ST6GAL1: variants seen among roughly 807,000 people sequenced by gnomAD.
ST6GAL1 encodes the protein ST6 beta-galactoside alpha-2,6-sialyltransferase 1.
Under a neutral mutation model 38.0 loss-of-function variants are expected in ST6GAL1, and 20 were observed. The observed-to-expected ratio is 0.53, with a 90% CI of 0.37 to 0.77. The LOEUF (loss-of-function observed/expected upper bound fraction) is 0.77. ST6GAL1 is among the 30% of genes least tolerant of loss of function. ST6GAL1 has a pLI of 0.00. For synonymous variants in ST6GAL1, 196 were observed against 188.2 expected, an observed-to-expected ratio of 1.04 and a Z score of -0.34; for missense variants, 432 against 496.4, an observed-to-expected ratio of 0.87 and a Z score of 1.23.
At chr3:186,960,521 C>T (rs1342875566) in intron 1 of ST6GAL1, among the ~76,000 whole-genome samples, 1 of 152,148 alleles carries the variant, frequency 6.6e-6, no homozygotes, top group Non-Finnish European at 1.5e-5. Context: ...TGACAGATTA[C>T]AGAGCGTTAT....
At chr3:187,035,779 T>G (rs1220425582) in intron 2 of ST6GAL1, among the ~76,000 whole-genome samples, 1 of 152,184 alleles carries the variant, frequency 6.6e-6, no homozygotes, top group Non-Finnish European at 1.5e-5. Flanking sequence ...GATTTAAATG[T>G]GAGACCTCAA....
At chr3:186,970,800 G>C (rs1715322199) in intron 2 of ST6GAL1, among the ~76,000 whole-genome samples, 1 of 152,052 alleles carries the variant, frequency 6.6e-6, no homozygotes, top group Non-Finnish European at 1.5e-5. Context: ...TTAATTGTTT[G>C]CCTATGGAAG....
chr3:187,000,403 A>C (rs867424111), intron 2 of ST6GAL1, among the ~76,000 whole-genome samples: 83 of 151,868 alleles, frequency 5.5e-4, no homozygotes, highest in African/African-American at 1.9e-3. Flanking sequence ...TACAAAAAAA[A>C]AAAAAAAAAA....
intron 1 of ST6GAL1, among the ~76,000 whole-genome samples, chr3:186,942,773 G>GT: frequency 6.6e-6 from 1 of 152,138 alleles, no homozygotes. Context: ...TGCTGTGTCG[G>GT]TATCATTAGC....
At chr3:186,937,315 C>G (rs1437918937) in intron 1 of ST6GAL1, among the ~76,000 whole-genome samples, 1 of 152,148 alleles carries the variant, frequency 6.6e-6, no homozygotes, top group African/African-American at 2.4e-5. Flanking sequence ...TCAGGAGCCT[C>G]CAACTGCCTC....
intron 2 of ST6GAL1, among the ~76,000 whole-genome samples, chr3:186,991,729 T>A (rs1435077795): frequency 6.6e-6 from 1 of 152,072 alleles, no homozygotes; most frequent in Non-Finnish European, 1.5e-5. Context: ...TCTGGGGTGA[T>A]CCCTATTCAC....
rs879541749 is a variant in ST6GAL1 at position 186,972,905 on chromosome 3, A to G, written c.-183+8979A>G. Among the ~76,000 whole-genome samples the G allele has an allele frequency of 3.3e-5, 5 of 152,270 alleles. No homozygotes were observed. The East Asian group carries it at 9.7e-4, about 30-fold the overall frequency. The stretch of plus-strand genomic sequence containing the variant: ...GGGATGTTGAGATGGGAAATGGAGT[A>G]TTGAGAAGTGAGTGTATTTCCAGGG... On this transcript the variant is annotated intron_variant, in intron 2 of 7. Coordinates refer to ENST00000169298, the MANE Select transcript of ST6GAL1 (RefSeq NM_173216.2).
intron 2 of ST6GAL1, among the ~76,000 whole-genome samples, chr3:186,991,536 C>T (rs1161027376): frequency 1.3e-5 from 2 of 152,154 alleles, no homozygotes; most frequent in Non-Finnish European, 2.9e-5. Flanking sequence ...TCTTTCCACA[C>T]ATTGAGTCAA....
At chr3:187,033,140 G>A (rs141210687) in intron 2 of ST6GAL1, among the ~76,000 whole-genome samples, 121 of 152,328 alleles carry the variant, frequency 7.9e-4, no homozygotes, top group African/African-American at 2.7e-3. Flanking sequence ...TTGGCTAGGC[G>A]TGGGGGCTCA....
chr3:186,990,094 T>C (rs1459115432), intron 2 of ST6GAL1, among the ~76,000 whole-genome samples: 1 of 152,210 alleles, frequency 6.6e-6, no homozygotes, highest in Non-Finnish European at 1.5e-5. Flanking sequence ...AGTGCAGTGG[T>C]GCGATCTTAG....
At chr3:187,026,743 C>T (rs145174927) in intron 2 of ST6GAL1, among the ~76,000 whole-genome samples, 9 of 152,238 alleles carry the variant, frequency 5.9e-5, no homozygotes, top group African/African-American at 1.7e-4. Flanking sequence ...TCAGTAGTTA[C>T]GTAAAATACA....
At chr3:186,948,529 G>GT (rs1491454120) in intron 1 of ST6GAL1, among the ~76,000 whole-genome samples, 1 of 2,442 alleles carries the variant, frequency 4.1e-4, no homozygotes, top group Non-Finnish European at 7.9e-4. Context: ...AGAAACTCTA[G>GT]TGTGTGTGTG....
At chr3:187,053,148 T>G (rs926830506) in intron 5 of ST6GAL1, among the ~76,000 whole-genome samples, 15 of 152,228 alleles carry the variant, frequency 9.9e-5, no homozygotes, top group African/African-American at 3.1e-4. Flanking sequence ...TGGGGTTGTT[T>G]GTTTTTTTCT....
chr3:187,067,081 C>CTTTTTTTTTTT lies in ST6GAL1; in HGVS notation c.706-5752_706-5742dup, dbSNP rs763013682. ...GCAATCTTCTTTTCTTTCTTTCTTT[C>CTTTTTTTTTTT]TTTTTTTTTTTTTTTTTTTTTTTTT... is the stretch of plus-strand genomic sequence containing the variant. On this transcript the variant is annotated intron_variant, in intron 5 of 7. Transcript: ENST00000169298. Among the ~76,000 whole-genome samples, 38 of 93,064 alleles carry CTTTTTTTTTTT rather than the reference C, an allele frequency of 4.1e-4. 4 individuals are homozygous for CTTTTTTTTTTT. The highest frequency in any genetic ancestry group is 8.6e-4 in the South Asian group (2 of 2,326). 61.1% of individuals were successfully genotyped at this position (93,064 alleles called of 152,430 possible). A position where few individuals can be genotyped will look rare whatever the true frequency, so the allele number is the denominator to read the frequency against.
intron 2 of ST6GAL1, among the ~76,000 whole-genome samples, chr3:187,034,463 C>T (rs559464577): frequency 8.5e-5 from 13 of 152,142 alleles, no homozygotes; most frequent in East Asian, 5.8e-4. Flanking sequence ...AAAAGAAAAC[C>T]GCAGGCCAAT....
intron 5 of ST6GAL1, among the ~76,000 whole-genome samples, chr3:187,065,341 C>T (rs1719065645): frequency 6.6e-6 from 1 of 152,128 alleles, no homozygotes; most frequent in Admixed American, 6.6e-5. Flanking sequence ...CACATTTGTT[C>T]AGCTCCCCTC....
At chr3:186,946,692 G>T (rs1366837864) in intron 1 of ST6GAL1, among the ~76,000 whole-genome samples, 1 of 152,180 alleles carries the variant, frequency 6.6e-6, no homozygotes, top group Non-Finnish European at 1.5e-5. Flanking sequence ...GCTCTTGGGT[G>T]ATTTTTAGCT....
chr3:187,015,136 C>T (rs1427936189), intron 2 of ST6GAL1, among the ~76,000 whole-genome samples: 1 of 152,210 alleles, frequency 6.6e-6, no homozygotes, highest in African/African-American at 2.4e-5. Flanking sequence ...CTTCCTAATA[C>T]ATGGAGGGTA....
chr3:187,050,765 C>G (rs910617099), intron 4 of ST6GAL1, among the ~76,000 whole-genome samples: 1 of 152,250 alleles, frequency 6.6e-6, no homozygotes, highest in Admixed American at 6.5e-5. Flanking sequence ...AAATCCTGTC[C>G]ATTTGCTGAG....
Sources: gnomAD v4.1 joint callset for allele counts (sites outside exome capture counted in the v4.1 genomes callset) on GRCh38, gnomAD v4.1.1 for gene constraint, MANE v1.5 for transcripts, NCBI Gene and HGNC (gene_info 2026-07-23, HGNC 2026-07-21) for gene names.